FHOD3: variants seen among roughly 807,000 people sequenced by gnomAD.
The protein encoded by FHOD3 is formin homology 2 domain containing 3, also known as FH1/FH2 domain-containing protein 3.
Under a neutral mutation model 173.0 loss-of-function variants are expected in FHOD3, and 90 were observed. The ratio of observed to expected loss-of-function variants is 0.52; its 90% CI spans 0.44 to 0.62. The LOEUF is 0.62. Ranked by LOEUF, FHOD3 falls within the 20% of genes least tolerant of loss-of-function variation. FHOD3 has a pLI of 0.00. For missense variants in FHOD3, 1,945 were observed against 2,034.7 expected, an observed-to-expected ratio of 0.96 and a Z score of 0.85; for synonymous variants, 828 against 823.0, an observed-to-expected ratio of 1.01 and a Z score of -0.10.
chr18:36,428,553 G>A (rs2050373631), intron 3 of FHOD3, among the ~76,000 whole-genome samples: 1 of 152,124 alleles, frequency 6.6e-6, no homozygotes, highest in South Asian at 2.1e-4. Context: ...GGGTGGGGCT[G>A]GGGGCGGGAT....
chr18:36,613,603 C>T (rs1313114497), intron 9 of FHOD3, among the ~76,000 whole-genome samples: 7 of 152,158 alleles, frequency 4.6e-5, no homozygotes. Flanking sequence ...GACATTCCAC[C>T]AGTGGCATTC....
At chr18:36,596,321 ATTTTTTTT>A (rs539907617) in intron 7 of FHOD3, among the ~76,000 whole-genome samples, 30 of 57,494 alleles carry the variant, frequency 5.2e-4, no homozygotes, top group East Asian at 4.4e-3. Flanking sequence ...TGCCCAGCTA[ATTTTTTTT>A]TTTTTTTTTT....
chr18:36,671,664 T>C (rs1041414427), intron 14 of FHOD3, among the ~76,000 whole-genome samples: 12 of 152,248 alleles, frequency 7.9e-5, no homozygotes, highest in African/African-American at 2.9e-4. Flanking sequence ...TAGGTTTCAT[T>C]GTCCATAAAT....
chr18:36,695,780 C>T (rs1267909914), intron 17 of FHOD3, among the ~76,000 whole-genome samples: 3 of 152,166 alleles, frequency 2.0e-5, no homozygotes, highest in Non-Finnish European at 4.4e-5. Flanking sequence ...TTGGTGTCAC[C>T]AAGTTTTTCT....
intron 3 of FHOD3, among the ~76,000 whole-genome samples, chr18:36,418,907 C>T (rs1354106800): frequency 6.6e-6 from 1 of 152,020 alleles, no homozygotes; most frequent in African/African-American, 2.4e-5. Flanking sequence ...AAGTGAGACC[C>T]TGTCTAAAAA....
chr18:36,602,110 T>TTA (rs1433685129), intron 7 of FHOD3, among the ~76,000 whole-genome samples: 1 of 152,212 alleles, frequency 6.6e-6, no homozygotes. Flanking sequence ...CTCCATTAGA[T>TTA]TATAAACCTA....
At chr18:36,595,308 C>A (rs1396722797) in intron 7 of FHOD3, among the ~76,000 whole-genome samples, 1 of 152,172 alleles carries the variant, frequency 6.6e-6, no homozygotes, top group Non-Finnish European at 1.5e-5. Flanking sequence ...TCCTCCATCC[C>A]CTGCCCTGCC....
chr18:36,629,771 A>G (rs1423873779), intron 10 of FHOD3, among the ~76,000 whole-genome samples: 1 of 152,022 alleles, frequency 6.6e-6, no homozygotes, highest in Non-Finnish European at 1.5e-5. Flanking sequence ...ATGGAGAGGG[A>G]GGGGACTATG....
At chr18:36,774,150 G>A (rs1452425511) in intron 28 of FHOD3, among the ~76,000 whole-genome samples, 4 of 152,212 alleles carry the variant, frequency 2.6e-5, no homozygotes, top group Non-Finnish European at 5.9e-5. Context: ...ACTCATAGGA[G>A]GAGGCAGTTG....
At chr18:36,424,050 G>A (rs960292604) in intron 3 of FHOD3, among the ~76,000 whole-genome samples, 10 of 152,228 alleles carry the variant, frequency 6.6e-5, no homozygotes, top group African/African-American at 2.4e-4. Flanking sequence ...AAGCCACACA[G>A]CAATACACAA....
intron 14 of FHOD3, among the ~76,000 whole-genome samples, chr18:36,678,321 C>T (rs1391878814): frequency 1.3e-5 from 2 of 152,016 alleles, no homozygotes; most frequent in Non-Finnish European, 1.5e-5. Flanking sequence ...AGGATTGCTT[C>T]AGCCCAAGAG....
rs1350745536 is a variant in FHOD3, at chr18:36,709,106, G to A, written c.2248G>A (p.Asp750Asn). 6.2e-7 allele frequency: 1 copy of A among 1,612,096 alleles called. No individual in the cohort carries two copies. The highest frequency in any genetic ancestry group is 8.5e-7 in the Non-Finnish European group (1 of 1,178,416). Residue 750 changes from aspartate to asparagine, a missense_variant, in exon 18 of 29, where the codon GAT becomes AAT. By Grantham distance (23) the Asp-to-Asn change is conservative. Around this residue, in one of 5 missense-constraint regions of FHOD3, gnomAD observed 1,099 missense variants for 1,051.2 expected, o/e 1.05. Coordinates refer to ENST00000590592, the MANE Select transcript of FHOD3 (RefSeq NM_001281740.3). ...GTTGTCTCCACCAGCAAGTGCCGGG[G>A]ATCCTGAACCCGAATCAGAGGCAGA... ...TPHHPQASAG[D>N]PEPESEAEPE...
chr18:36,732,955 C>T (rs150329528), intron 20 of FHOD3, among the ~76,000 whole-genome samples: 1 of 152,292 alleles, frequency 6.6e-6, no homozygotes, highest in Non-Finnish European at 1.5e-5. Flanking sequence ...GCAGCATCTG[C>T]CCCATAAGCC....
intron 1 of FHOD3, among the ~76,000 whole-genome samples, chr18:36,303,586 A>C (rs1828181530): frequency 6.6e-6 from 1 of 152,184 alleles, no homozygotes; most frequent in Non-Finnish European, 1.5e-5. Context: ...AAAACAGATT[A>C]ACATGCTGAG....
intron 3 of FHOD3, among the ~76,000 whole-genome samples, chr18:36,375,395 C>T (rs2047389647): frequency 6.6e-6 from 1 of 152,220 alleles, no homozygotes; most frequent in Admixed American, 6.5e-5. Context: ...CATGCAACTC[C>T]CCTGAAGACG....
rs769828038 is a variant in FHOD3, at chr18:36,769,229, T to G, written c.4625-36T>G. The G allele has an allele frequency of 1.2e-5, 19 of 1,605,282 alleles. No homozygotes were observed. In the Admixed American group the frequency reaches 3.2e-4, roughly 27 times the overall value. ...GCATATATCTTTTGTGTTTTCCTTCTGAGTATGTTGTGCACTCTGGCTGTT... is the reference window on the plus strand; with the variant it reads ...GCATATATCTTTTGTGTTTTCCTTCGGAGTATGTTGTGCACTCTGGCTGTT... On this transcript the variant is annotated intron_variant, in intron 27 of 28. Coordinates refer to ENST00000590592, the MANE Select transcript of FHOD3 (RefSeq NM_001281740.3).
chr18:36,603,342 C>T (rs542418194), intron 8 of FHOD3, among the ~76,000 whole-genome samples: 8 of 152,156 alleles, frequency 5.3e-5, no homozygotes, highest in South Asian at 2.1e-4. Flanking sequence ...TTATGCGACA[C>T]GTGGAGTGGA....
intron 3 of FHOD3, among the ~76,000 whole-genome samples, chr18:36,498,363 G>T (rs1807236940): frequency 6.6e-6 from 1 of 151,968 alleles, no homozygotes; most frequent in Non-Finnish European, 1.5e-5. Context: ...AAAAGCAGTA[G>T]GAAAAAACCT....
rs71168224 is a variant in FHOD3, at chr18:36,437,682, T to TTTTTTTTTTTTTTTTTA, written c.338-64250_338-64249insTTTTTTTTTTTTTTTTA. ...CTTTCTTTCTTTTTTTTTTTTTTTT[T>TTTTTTTTTTTTTTTTTA]AAGACAGAGTCTTGCTCTGTCGCCA... On this transcript the variant is annotated intron_variant, in intron 3 of 28. Transcript: ENST00000590592. 4.6e-5 allele frequency among the ~76,000 whole-genome samples: 6 copies of TTTTTTTTTTTTTTTTTA among 129,616 alleles called. 1 individual carries two copies. Among genetic ancestry groups the TTTTTTTTTTTTTTTTTA allele is most frequent in the South Asian group, 5.1e-4 (2 of 3,918 alleles). 85.0% of individuals were successfully genotyped at this position (129,616 alleles called of 152,430 possible).
Sources: allele counts gnomAD v4.1 joint callset (sites outside exome capture counted in the v4.1 genomes callset), GRCh38; gene constraint gnomAD v4.1.1; regional missense constraint gnomAD v4.1.1; transcripts MANE v1.5; gene names NCBI Gene and HGNC (gene_info 2026-07-23, HGNC 2026-07-21).